The following KIAA1191 variants were observed in gnomAD, a reference collection of about 807,000 sequenced individuals.
KIAA1191 encodes the protein KIAA1191, also known as putative monooxygenase p33MONOX.
Under a neutral mutation model 31.1 loss-of-function variants are expected in KIAA1191, and 22 were observed. That is an observed-to-expected ratio of 0.71 (90% CI 0.51 to 1.01). The LOEUF (loss-of-function observed/expected upper bound fraction) is 1.01, where lower values mean the gene tolerates loss of function less well. Ranked by LOEUF, KIAA1191 falls within the 50% of genes least tolerant of loss-of-function variation. The probability of loss-of-function intolerance (pLI) is 0.00; values close to 1 mark genes in which losing one functional copy is unlikely to be tolerated. For missense variants in KIAA1191, 319 were observed against 388.0 expected, an observed-to-expected ratio of 0.82 and a Z score of 1.49; for synonymous variants, 130 against 143.9, an observed-to-expected ratio of 0.90 and a Z score of 0.69.
At chr5:176,354,500 T>C (rs1767322254) in intron 4 of KIAA1191, 1 of 152,208 alleles carries the variant, frequency 6.6e-6, no homozygotes, top group African/African-American at 2.4e-5. Flanking sequence ...GTCCCTGAGG[T>C]CGGGAAGCAG....
chr5:176,347,762 TGGAGAG>T lies in KIAA1191; in HGVS notation c.750_755del (p.Ser251_Pro252del). 1.2e-6 allele frequency: 2 copies of T among 1,609,250 alleles called. No homozygotes were observed. The highest frequency in any genetic ancestry group is 1.7e-6 in the Non-Finnish European group (2 of 1,177,880). On this transcript the variant is annotated inframe_deletion, in exon 9 of 9. Transcript: ENST00000298569. The stretch of plus-strand genomic sequence containing the variant: ...TGGCCTGGGCACGTATCAGTTCCAA[TGGAGAG>T]GGCTTCTGGGCTCCTCGGTAGGCCT...
chr5:176,356,137 A>G lies in KIAA1191; in HGVS notation c.29-388T>C, dbSNP rs1767489623. 2.2e-5 allele frequency: 5 copies of G among 226,762 alleles called. No homozygotes were observed. In the South Asian group the frequency reaches 2.7e-4, roughly 12 times the overall value. The allele number at this position is 226,762 out of a possible 1,614,324, so 14.0% of individuals were successfully genotyped here. A position where few individuals can be genotyped will look rare whatever the true frequency, so the allele number is the denominator to read the frequency against. On this transcript the variant is annotated intron_variant, in intron 3 of 8. Coordinates refer to ENST00000298569, the MANE Select transcript of KIAA1191 (RefSeq NM_020444.5). Reference sequence around the variant, plus strand: ...GTGCCACCATGTCCAGCTAATTTTCATGGATCAGGAAACCTGAAGTTCCAT... The same window carrying G: ...GTGCCACCATGTCCAGCTAATTTTCGTGGATCAGGAAACCTGAAGTTCCAT...
upstream of KIAA1191, chr5:176,361,775 C>G (rs1436781230): frequency 6.6e-6 from 1 of 152,486 alleles, no homozygotes; most frequent in African/African-American, 2.4e-5. This position sits in a 1 kb window ranked among gnomAD's most constrained non-coding sequence, Gnocchi z 4.0. Context: ...ACCCAGCGGG[C>G]AGGCAGCACT....
intron 2 of KIAA1191, 65 bp downstream of exon 2, chr5:176,359,746 G>T: frequency 2.1e-6 from 1 of 470,704 alleles, no homozygotes; most frequent in East Asian, 3.6e-5. Context: ...CACACCTGTG[G>T]CTGATCTTAA....
chr5:176,347,042 G>C lies in KIAA1191; in HGVS notation c.*558C>G, dbSNP rs1766564151. 1 of 152,082 alleles carries C rather than the reference G, an allele frequency of 6.6e-6. No homozygotes were observed. Among genetic ancestry groups the C allele is most frequent in the Non-Finnish European group, 1.5e-5 (1 of 68,036 alleles). The allele number at this position is 152,082 out of a possible 1,614,324, so 9.4% of individuals were successfully genotyped here. A position where few individuals can be genotyped will look rare whatever the true frequency, so the allele number is the denominator to read the frequency against. ...CTAGGGTAAATGATGAAAAAAATAG[G>C]TAATGAGGTCCCCATACACCCGTGC... On this transcript the variant is annotated 3_prime_UTR_variant, in exon 9 of 9. Coordinates refer to ENST00000298569, the MANE Select transcript of KIAA1191 (RefSeq NM_020444.5).
intron 4 of KIAA1191, 119 bp from the exon 5 acceptor site, chr5:176,352,867 C>G: frequency 8.7e-7 from 1 of 1,148,862 alleles, no homozygotes; most frequent in South Asian, 1.7e-5. Flanking sequence ...GTGAGGAAAT[C>G]ATTGAAGGGA....
chr5:176,355,741 C>G lies in KIAA1191; in HGVS notation c.37G>C (p.Ala13Pro). 2.5e-6 allele frequency: 4 copies of G among 1,614,034 alleles called. No homozygotes were observed. Among genetic ancestry groups the G allele is most frequent in the Non-Finnish European group, 3.4e-6 (4 of 1,180,022 alleles). Residue 13 changes from alanine to proline, a missense_variant, in exon 4 of 9, where the codon GCT becomes CCT. Coordinates refer to ENST00000298569, the MANE Select transcript of KIAA1191 (RefSeq NM_020444.5). The surrounding 1 kb of genome is among the most constrained non-coding windows in gnomAD (Gnocchi z 4.2). ...SRQPEVPALE[A>P]SAPLGKMSLP... ...GACATCTTGCCTAGAGGCGCACTAGCCTCAAGAGCTAAGAACAGAGACACC... is the reference window on the plus strand; with the variant it reads ...GACATCTTGCCTAGAGGCGCACTAGGCTCAAGAGCTAAGAACAGAGACACC...
intron 4 of KIAA1191, chr5:176,354,345 C>A (rs1419139191): frequency 2.0e-5 from 3 of 152,228 alleles, no homozygotes; most frequent in African/African-American, 7.2e-5. Context: ...GCCTGTCAGG[C>A]CCTGAGCTAC....
At position 176,347,511 on chromosome 5, in the gene KIAA1191, T is replaced by G; in HGVS notation, c.*89A>C. ...CCACCACGCCCAGCTGATTAAGTTT[T>G]TAAATATACCTTTCCTATGTCAAAG... On this transcript the variant is annotated 3_prime_UTR_variant, in exon 9 of 9. Transcript: ENST00000298569. 8.8e-7 allele frequency: 1 copy of G among 1,132,170 alleles called. No individual in the cohort carries two copies. The highest frequency in any genetic ancestry group is 2.2e-5 in the South Asian group (1 of 45,916). 70.1% of individuals were successfully genotyped at this position (1,132,170 alleles called of 1,614,324 possible). A position where few individuals can be genotyped will look rare whatever the true frequency, so the allele number is the denominator to read the frequency against.
At chr5:176,358,850 C>T (rs1317168291) in intron 3 of KIAA1191, among the ~76,000 whole-genome samples, 3 of 152,094 alleles carry the variant, frequency 2.0e-5, no homozygotes, top group Non-Finnish European at 4.4e-5. Context: ...CTTGGGAGGC[C>T]GAGGCGGGCG....
rs1561751517 is a variant in KIAA1191, at chr5:176,350,746, AGAG to A, written c.335-12_335-10del. On this transcript the variant is annotated splice_polypyrimidine_tract_variant and intron_variant, in intron 5 of 8. Coordinates refer to ENST00000298569, the MANE Select transcript of KIAA1191 (RefSeq NM_020444.5). ...GCTTTCCTGGGTCTGTTCTGGGAACAGAGGAGATGACAGTCATGCCCATTCCCC... is the reference window on the plus strand; with the variant it reads ...GCTTTCCTGGGTCTGTTCTGGGAACAGAGATGACAGTCATGCCCATTCCCC... The A allele has an allele frequency of 2.5e-6, 4 of 1,613,722 alleles. No individual in the cohort carries two copies. Among genetic ancestry groups the A allele is most frequent in the East Asian group, 2.2e-5 (1 of 44,884 alleles).
chr5:176,355,176 T>C lies in KIAA1191; in HGVS notation c.207+395A>G, dbSNP rs957301833. 6.6e-6 allele frequency among the ~76,000 whole-genome samples: 1 copy of C among 151,852 alleles called. No homozygotes were observed. Among genetic ancestry groups the C allele is most frequent in the Non-Finnish European group, 1.5e-5 (1 of 67,988 alleles). ...GGATCATGCTGAGCTTGGATTTAGCTCTGTGGGGAATATGAAGAGTCTCAG... is the reference window on the plus strand; with the variant it reads ...GGATCATGCTGAGCTTGGATTTAGCCCTGTGGGGAATATGAAGAGTCTCAG... On this transcript the variant is annotated intron_variant, in intron 4 of 8. Coordinates refer to ENST00000298569, the MANE Select transcript of KIAA1191 (RefSeq NM_020444.5). The surrounding 1 kb of genome is among the most constrained non-coding windows in gnomAD (Gnocchi z 4.2).
At chr5:176,348,715 A>G (rs752100097) in intron 6 of KIAA1191, among the ~76,000 whole-genome samples, 1 of 151,942 alleles carries the variant, frequency 6.6e-6, no homozygotes, top group Non-Finnish European at 1.5e-5. Flanking sequence ...GCAGGGCTTA[A>G]GCTCTTGTCT....
chr5:176,353,589 G>A (rs1419675466), intron 4 of KIAA1191: 1 of 152,222 alleles, frequency 6.6e-6, no homozygotes, highest in Non-Finnish European at 1.5e-5. Context: ...CTGTGACCTT[G>A]AGTAAAACTT....
rs753054731 is a variant in KIAA1191 at position 176,347,583 on chromosome 5, T to C, written c.*17A>G. ...ATGCAAGAAACCACCTTTACCAGAA[T>C]CCCTGGAAAGAGGGCTCTAGAAGCC... is the stretch of plus-strand genomic sequence containing the variant. On this transcript the variant is annotated 3_prime_UTR_variant, in exon 9 of 9. Coordinates refer to ENST00000298569, the MANE Select transcript of KIAA1191 (RefSeq NM_020444.5). The C allele has an allele frequency of 2.0e-6, 3 of 1,469,344 alleles. No homozygotes were observed. The Admixed American group carries it at 7.4e-5, about 36-fold the overall frequency. The allele number at this position is 1,469,344 out of a possible 1,614,324, so 91.0% of individuals were successfully genotyped here.
chr5:176,357,361 C>G (rs1767599597), intron 3 of KIAA1191: 1 of 151,960 alleles, frequency 6.6e-6, no homozygotes, highest in Non-Finnish European at 1.5e-5. Context: ...GTTTGCACAA[C>G]CCTGTGAATA....
intron 3 of KIAA1191, among the ~76,000 whole-genome samples, chr5:176,356,367 C>T (rs1359353373): frequency 6.6e-6 from 1 of 152,132 alleles, no homozygotes; most frequent in Non-Finnish European, 1.5e-5. Context: ...GAAACTAAGG[C>T]CTAGGGGTAA....
chr5:176,349,811 TTAAAA>T (rs1017589244), intron 6 of KIAA1191, among the ~76,000 whole-genome samples: 11 of 152,004 alleles, frequency 7.2e-5, no homozygotes, highest in South Asian at 4.2e-4. Flanking sequence ...TTCAGAACTC[TTAAAA>T]TAAAGCTTGG....
chr5:176,359,148 G>A (rs1474416342), intron 3 of KIAA1191, among the ~76,000 whole-genome samples: 9 of 140,908 alleles, frequency 6.4e-5, no homozygotes, highest in Non-Finnish European at 9.0e-5. Flanking sequence ...GTGAAACCCC[G>A]TCTCTACAAA....
Sources: allele counts gnomAD v4.1 joint callset (sites outside exome capture counted in the v4.1 genomes callset), GRCh38; gene constraint gnomAD v4.1.1; non-coding constraint Gnocchi (gnomAD v3.1); transcripts MANE v1.5; gene names NCBI Gene and HGNC (gene_info 2026-07-23, HGNC 2026-07-21).